Variants in UNC13C observed in about 807,000 individuals in gnomAD.
UNC13C encodes the protein unc-13 homolog C, also known as protein unc-13 homolog C.
A neutral mutation model predicts 245.4 loss-of-function variants in UNC13C; 174 were observed. The observed-to-expected ratio is 0.71, with a 90% CI of 0.63 to 0.80. The LOEUF is 0.80. Ranked by LOEUF, UNC13C falls within the 30% of genes least tolerant of loss-of-function variation. The pLI is 0.00. For synonymous variants in UNC13C, 992 were observed against 895.1 expected (o/e 1.11, Z -1.93); for missense variants, 2,829 against 2,602.9 (o/e 1.09, Z -1.89).
chr15:54,583,316 A>G (rs377338133), intron 30 of UNC13C, among the ~76,000 whole-genome samples: 76 of 152,316 alleles, frequency 5.0e-4, no homozygotes, highest in African/African-American at 1.8e-3. Context: ...TTTCCAAATG[A>G]GAGCATGTGT....
At chr15:54,432,882 A>G (rs775523043) in intron 19 of UNC13C, among the ~76,000 whole-genome samples, 1 of 152,018 alleles carries the variant, frequency 6.6e-6, no homozygotes, top group Non-Finnish European at 1.5e-5. Flanking sequence ...AGAAGAATCA[A>G]ATAGACAAAA....
chr15:54,013,182 T>C lies in UNC13C; in HGVS notation c.279T>C (p.Ser93=), dbSNP rs769264850. 2 of 1,613,838 alleles carry C rather than the reference T, an allele frequency of 1.2e-6. No homozygotes were observed. The highest frequency in any genetic ancestry group is 1.1e-5 in the South Asian group (1 of 91,078). The part of the protein sequence containing the change: ...SKEFSLSPTF[S]YRVAIANGLQ... ...AGTTTTCCCTCTCACCAACATTCAG[T>C]TACCGAGTAGCTATTGCCAATGGCC... Residue 93 remains serine, a synonymous_variant, in exon 2 of 33, where the codon AGT becomes AGC. Coordinates refer to ENST00000260323, the MANE Select transcript of UNC13C (RefSeq NM_001080534.3).
intron 17 of UNC13C, among the ~76,000 whole-genome samples, chr15:54,369,109 A>C (rs192428991): frequency 6.6e-6 from 1 of 152,254 alleles, no homozygotes; most frequent in Non-Finnish European, 1.5e-5. Flanking sequence ...TAGTTAGCAC[A>C]ATTGGTAAAA....
intron 2 of UNC13C, among the ~76,000 whole-genome samples, chr15:54,116,009 A>T (rs1277163486): frequency 1.3e-5 from 2 of 152,162 alleles, no homozygotes; most frequent in East Asian, 3.9e-4. Flanking sequence ...TTTTTAATTG[A>T]GATAAAATAT....
At chr15:54,589,782 A>G (rs1898687995) in intron 30 of UNC13C, among the ~76,000 whole-genome samples, 1 of 152,060 alleles carries the variant, frequency 6.6e-6, no homozygotes. Flanking sequence ...TCTTTTTGCC[A>G]TGCAGAAGCT....
At position 54,627,060 on chromosome 15, in the gene UNC13C, A is replaced by G; in HGVS notation, c.6592A>G (p.Lys2198Glu). Residue 2198 changes from lysine to glutamate, a missense_variant, in exon 33 of 33, where the codon AAA becomes GAA. Coordinates refer to ENST00000260323, the MANE Select transcript of UNC13C (RefSeq NM_001080534.3). ...LSQRTSDDVAKEFVRLKSETR... is the reference protein window; with the variant it reads ...LSQRTSDDVAEEFVRLKSETR... ...TCAGAGGACCAGTGATGATGTGGCT[A>G]AAGAATTTGTAAGACTTAAATCTGA... is the stretch of plus-strand genomic sequence containing the variant. 2 of 1,613,090 alleles carry G rather than the reference A, an allele frequency of 1.2e-6. No individual in the cohort carries two copies. Among genetic ancestry groups the G allele is most frequent in the Non-Finnish European group, 1.7e-6 (2 of 1,179,424 alleles).
intron 2 of UNC13C, among the ~76,000 whole-genome samples, chr15:54,094,759 T>C (rs1449265502): frequency 6.6e-6 from 1 of 152,016 alleles, no homozygotes; most frequent in African/African-American, 2.4e-5. Context: ...ATTCTCTCTC[T>C]CCCCCAGTTA....
chr15:53,844,491 A>G, the UNC13C span, among the ~76,000 whole-genome samples: 4 of 152,142 alleles, frequency 2.6e-5, no homozygotes, highest in Non-Finnish European at 5.9e-5. Flanking sequence ...AGGTGGGTCA[A>G]TGTGATAAGG....
chr15:54,626,900 A>T lies in UNC13C; in HGVS notation c.6432A>T (p.Arg2144Ser), dbSNP rs1202827841. The T allele has an allele frequency of 6.2e-7, 1 of 1,613,404 alleles. No homozygotes were observed. Among genetic ancestry groups the T allele is most frequent in the South Asian group, 1.1e-5 (1 of 91,072 alleles). ...HLSVKDYCFA[R>S]EDRIIGMTVI... ...CAGTTAAGGATTACTGCTTTGCCAG[A>T]GAAGATCGAATTATCGGAATGACAG... The change falls in exon 33 of 33, where the codon AGA becomes AGT. Residue 2144 changes from arginine to serine, a missense_variant. Arg to Ser is a moderately radical substitution (Grantham distance 110). Transcript: ENST00000260323.
At chr15:54,082,763 C>T (rs1399388399) in intron 2 of UNC13C, among the ~76,000 whole-genome samples, 1 of 152,018 alleles carries the variant, frequency 6.6e-6, no homozygotes, top group Non-Finnish European at 1.5e-5. Flanking sequence ...TATCTTTTCC[C>T]TTGAGGGTAT....
At chr15:54,111,516 C>T (rs961078940) in intron 2 of UNC13C, among the ~76,000 whole-genome samples, 3 of 152,122 alleles carry the variant, frequency 2.0e-5, no homozygotes, top group African/African-American at 4.8e-5. Context: ...CTTGCCTCAG[C>T]CCCTGAAGCC....
intron 10 of UNC13C, among the ~76,000 whole-genome samples, chr15:54,288,201 G>A (rs1272836859): frequency 1.3e-5 from 2 of 152,118 alleles, no homozygotes; most frequent in African/African-American, 2.4e-5. Flanking sequence ...CCTGGTCCTA[G>A]CAACAGAAGT....
rs189182041 is a variant in UNC13C at position 54,215,670 on chromosome 15, G to A, written c.3072-19360G>A. On this transcript the variant is annotated intron_variant, in intron 4 of 32. Transcript: ENST00000260323. ...AAAATATTATGGCAGTTTGAATTGGGACTTTTACCAGAGTTCATGAAGTGG... is the reference window on the plus strand; with the variant it reads ...AAAATATTATGGCAGTTTGAATTGGAACTTTTACCAGAGTTCATGAAGTGG... Among the ~76,000 whole-genome samples, 937 of 151,960 alleles carry A rather than the reference G, an allele frequency of 6.2e-3. 9 individuals carry two copies. The highest frequency in any genetic ancestry group is 8.0e-3 in the Non-Finnish European group (543 of 67,882).
At chr15:54,343,062 C>G (rs1171828032) in intron 17 of UNC13C, among the ~76,000 whole-genome samples, 2 of 152,032 alleles carry the variant, frequency 1.3e-5, no homozygotes, top group Non-Finnish European at 2.9e-5. Context: ...TTACATTTTT[C>G]AACATCATTA....
intron 30 of UNC13C, among the ~76,000 whole-genome samples, chr15:54,597,497 G>A (rs1899156080): frequency 6.6e-6 from 1 of 152,130 alleles, no homozygotes; most frequent in African/African-American, 2.4e-5. Context: ...ATGAACTCCA[G>A]ATACGTCTGG....
intron 18 of UNC13C, among the ~76,000 whole-genome samples, chr15:54,403,742 C>G (rs926716138): frequency 1.5e-5 from 2 of 130,714 alleles, no homozygotes; most frequent in Non-Finnish European, 3.3e-5. Context: ...AAAAAAAAGG[C>G]TTACATAGAT....
chr15:54,057,819 A>G (rs1259110369), intron 2 of UNC13C, among the ~76,000 whole-genome samples: 1 of 152,090 alleles, frequency 6.6e-6, no homozygotes, highest in African/African-American at 2.4e-5. Flanking sequence ...ACTGAAAACC[A>G]CTCAACTACA....
chr15:54,408,167 T>C (rs976228493), intron 18 of UNC13C, among the ~76,000 whole-genome samples: 23 of 114,412 alleles, frequency 2.0e-4, no homozygotes, highest in African/African-American at 7.2e-4. Context: ...GCCACTGCAC[T>C]CCAGCCTGGG....
At chr15:54,465,415 A>G (rs1277717416) in intron 19 of UNC13C, among the ~76,000 whole-genome samples, 1 of 152,066 alleles carries the variant, frequency 6.6e-6, no homozygotes, top group African/African-American at 2.4e-5. Context: ...AGATATGATA[A>G]AACAAATAAG....
Sources: gnomAD v4.1 joint callset for allele counts (sites outside exome capture counted in the v4.1 genomes callset) on GRCh38, gnomAD v4.1.1 for gene constraint, MANE v1.5 for transcripts, NCBI Gene and HGNC (gene_info 2026-07-23, HGNC 2026-07-21) for gene names.